Variants in SPOCD1 observed in about 807,000 individuals in gnomAD.
The protein encoded by SPOCD1 is SPOC domain containing 1.
A neutral mutation model predicts 92.2 loss-of-function variants in SPOCD1; 64 were observed. The observed-to-expected ratio is 0.69, with a 90% CI of 0.57 to 0.86. The LOEUF (loss-of-function observed/expected upper bound fraction) is 0.86, where lower values mean the gene tolerates loss of function less well. Ranked by LOEUF, SPOCD1 falls within the 40% of genes least tolerant of loss-of-function variation. The pLI, the probability that SPOCD1 is intolerant of heterozygous loss-of-function variation, is 0.00. For missense variants in SPOCD1, 1,360 were observed against 1,543.1 expected, an observed-to-expected ratio of 0.88 and a Z score of 1.99; for synonymous variants, 578 against 619.3, an observed-to-expected ratio of 0.93 and a Z score of 0.99.
intron 6 of SPOCD1, 58 bp downstream of exon 6, chr1:31,799,750 TC>T: frequency 6.3e-7 from 1 of 1,591,142 alleles, no homozygotes; most frequent in Non-Finnish European, 8.6e-7. Context: ...TGGGCCTGAG[TC>T]CTCCCCAGAC....
At chr1:31,810,019 C>T (rs1649097947) in intron 2 of SPOCD1, among the ~76,000 whole-genome samples, 2 of 152,196 alleles carry the variant, frequency 1.3e-5, no homozygotes, top group African/African-American at 4.8e-5. Context: ...CCTACTTTCT[C>T]ACCTGCTGAA....
At chr1:31,805,650 C>T (rs1336944084) in intron 2 of SPOCD1, among the ~76,000 whole-genome samples, 2 of 151,720 alleles carry the variant, frequency 1.3e-5, no homozygotes, top group African/African-American at 2.4e-5. Context: ...ATTGTGAGCC[C>T]GGGAGATCAA....
intron 2 of SPOCD1, among the ~76,000 whole-genome samples, chr1:31,810,238 C>T (rs1649110719): frequency 6.6e-6 from 1 of 152,140 alleles, no homozygotes; most frequent in East Asian, 1.9e-4. Flanking sequence ...TCAAGTTATG[C>T]AGGACTGGAG....
At chr1:31,791,916 C>T (rs554895308) in intron 15 of SPOCD1, among the ~76,000 whole-genome samples, 2 of 152,342 alleles carry the variant, frequency 1.3e-5, no homozygotes, top group Admixed American at 6.5e-5. Context: ...AGTCATTTGC[C>T]TTCTTCCTCC....
At chr1:31,792,449 C>A (rs775253187) in intron 14 of SPOCD1, 48 bp from the exon 15 acceptor site, 6 of 1,579,528 alleles carry the variant, frequency 3.8e-6, no homozygotes, top group Admixed American at 1.8e-5. Context: ...ATCCTCTGCT[C>A]CTGCCAACAC....
At chr1:31,802,583 C>CT (rs1648538947) in intron 2 of SPOCD1, among the ~76,000 whole-genome samples, 1 of 152,156 alleles carries the variant, frequency 6.6e-6, no homozygotes, top group Admixed American at 6.5e-5. Flanking sequence ...AGAACAATAT[C>CT]TGTTGCATAA....
intron 12 of SPOCD1, 124 bp downstream of exon 12, chr1:31,793,623 C>T: frequency 2.6e-6 from 4 of 1,558,064 alleles, no homozygotes; most frequent in Admixed American, 1.8e-5. Flanking sequence ...AAGTGAGGTT[C>T]CCAAGGGAGG....
rs1270065307 is a variant in SPOCD1, at chr1:31,800,102, G to A, written c.1642C>T (p.Pro548Ser). 1.2e-6 allele frequency: 2 copies of A among 1,605,104 alleles called. No individual in the cohort carries two copies. Among genetic ancestry groups the A allele is most frequent in the African/African-American group, 1.3e-5 (1 of 74,458 alleles). The change falls in exon 5 of 16, where the codon CCT becomes TCT. Residue 548 changes from proline to serine, a missense_variant. Transcript: ENST00000360482. ...PSPSGGTAGDPGGLSDPFYPP... is the reference protein window; with the variant it reads ...PSPSGGTAGDSGGLSDPFYPP... ...TAGAAGGGGTCAGAGAGGCCACCAG[G>A]GTCCCCTGCTGTGCCTCCTGAAGGA...
intron 2 of SPOCD1, among the ~76,000 whole-genome samples, chr1:31,810,353 A>ATT (rs1187243882): frequency 1.2e-5 from 1 of 86,608 alleles, no homozygotes; most frequent in African/African-American, 4.1e-5. Context: ...ATTAGTGTTG[A>ATT]ATTTTTTTTT....
In SPOCD1 at chr1:31,793,397, C is replaced by A. The variant is rs776816130; in HGVS notation, c.2566G>T (p.Ala856Ser). 6.3e-7 allele frequency: 1 copy of A among 1,592,726 alleles called. No individual in the cohort carries two copies. Among genetic ancestry groups the A allele is most frequent in the Non-Finnish European group, 8.6e-7 (1 of 1,169,562 alleles). Residue 856 changes from alanine to serine, a missense_variant, in exon 13 of 16, where the codon GCA becomes TCA. Around this residue, in one of 3 missense-constraint regions of SPOCD1, gnomAD observed 614 missense variants for 757.8 expected, o/e 0.81. Coordinates refer to ENST00000360482, the MANE Select transcript of SPOCD1 (RefSeq NM_144569.7). ...AGGCAGGGCAGGGCCTTTGTGGGTGCAGCAGGCACATGGAGCCCAGATGGA... is the reference window on the plus strand; with the variant it reads ...AGGCAGGGCAGGGCCTTTGTGGGTGAAGCAGGCACATGGAGCCCAGATGGA... ...VPPSGLHVPA[A>S]PTKALPCLPP...
chr1:31,802,721 T>A (rs893751525), intron 2 of SPOCD1, among the ~76,000 whole-genome samples: 1 of 152,210 alleles, frequency 6.6e-6, no homozygotes, highest in Admixed American at 6.5e-5. Context: ...AACGAGCGTG[T>A]ATTTCTTTTA....
intron 10 of SPOCD1, 52 bp downstream of exon 10, chr1:31,796,538 G>T: frequency 6.2e-7 from 1 of 1,614,058 alleles, no homozygotes; most frequent in Non-Finnish European, 8.5e-7. Flanking sequence ...GGCGAGGCGT[G>T]GGACCCCCAG....
At chr1:31,811,487 G>C (rs1304849963) in intron 2 of SPOCD1, among the ~76,000 whole-genome samples, 2 of 151,434 alleles carry the variant, frequency 1.3e-5, no homozygotes. Flanking sequence ...AAAAAAAAAA[G>C]TCTTCTTGCC....
chr1:31,796,072 G>GTGGT, intron 10 of SPOCD1: 13 of 212,164 alleles, frequency 6.1e-5, no homozygotes, highest in South Asian at 3.7e-4. Context: ...CAGATCCTCA[G>GTGGT]CGCCAAGAGC....
At chr1:31,792,066 A>G in intron 15 of SPOCD1, 149 bp downstream of exon 15, 1 of 795,460 alleles carries the variant, frequency 1.3e-6, no homozygotes, top group Non-Finnish European at 2.0e-6. Context: ...AGCGTGAGCT[A>G]TTACTGTCAT....
At chr1:31,799,708 G>T in intron 6 of SPOCD1, 101 bp downstream of exon 6, 1 of 1,432,638 alleles carries the variant, frequency 7.0e-7, no homozygotes, top group Non-Finnish European at 9.7e-7. Flanking sequence ...TGTGGGGAGA[G>T]AAGAATCATA....
Position 31,790,960 on chromosome 1 carries a change from T to G in SPOCD1, c.3294A>C (p.Pro1098=). Residue 1098 remains proline (P), a synonymous_variant, in exon 16 of 16, where the codon CCA becomes CCC. Transcript: ENST00000360482. The part of the protein sequence containing the change: ...RPPRGRGRLW[P]EPENWQHPGR... The stretch of plus-strand genomic sequence containing the variant: ...CAGGATGCTGCCAGTTTTCAGGCTC[T>G]GGCCAGAGCCTCCCCCTGCCTCTGG... 4 of 1,570,284 alleles carry G rather than the reference T, an allele frequency of 2.5e-6. No homozygotes were observed. Among genetic ancestry groups the G allele is most frequent in the Non-Finnish European group, 3.4e-6 (4 of 1,160,262 alleles).
intron 15 of SPOCD1, 173 bp downstream of exon 15, chr1:31,792,042 G>A (rs995647012): frequency 4.4e-6 from 3 of 686,828 alleles, no homozygotes; most frequent in Non-Finnish European, 7.2e-6. Flanking sequence ...CTGGCATGCA[G>A]TTCATGATAT....
In SPOCD1 at chr1:31,801,746, C is replaced by T. The variant is rs545059274; in HGVS notation, c.1384-41G>A. ...GATGCAGAGATTAGAATCCAGAGGA[C>T]CCAGCCACCCCATGGCAGGGAATTC... is the stretch of plus-strand genomic sequence containing the variant. On this transcript the variant is annotated intron_variant, in intron 2 of 15. Coordinates refer to ENST00000360482, the MANE Select transcript of SPOCD1 (RefSeq NM_144569.7). 2.6e-6 allele frequency: 4 copies of T among 1,517,340 alleles called. No individual in the cohort carries two copies. The Admixed American group carries it at 6.7e-5, about 25-fold the overall frequency. The allele number at this position is 1,517,340 out of a possible 1,614,324, so 94.0% of individuals were successfully genotyped here. A position where few individuals can be genotyped will look rare whatever the true frequency, so the allele number is the denominator to read the frequency against.
Sources: gnomAD v4.1 joint callset for allele counts (sites outside exome capture counted in the v4.1 genomes callset) on GRCh38, gnomAD v4.1.1 for gene constraint, gnomAD v4.1.1 regional missense constraint, MANE v1.5 for transcripts, NCBI Gene and HGNC (gene_info 2026-07-23, HGNC 2026-07-21) for gene names.